Variants in IL1RAPL2 observed in about 807,000 individuals in gnomAD.
IL1RAPL2 encodes interleukin 1 receptor accessory protein like 2.
A neutral mutation model predicts 44.1 loss-of-function variants in IL1RAPL2; 3 were observed. The observed-to-expected ratio is 0.07, with a 90% CI of 0.03 to 0.18. The LOEUF (loss-of-function observed/expected upper bound fraction) is 0.18. Ranked by LOEUF, IL1RAPL2 falls within the 10% of genes least tolerant of loss-of-function variation. The pLI is 1.00. For synonymous variants in IL1RAPL2, 181 were observed against 178.8 expected, an observed-to-expected ratio of 1.01 and a Z score of -0.10; for missense variants, 391 against 496.4, an observed-to-expected ratio of 0.79 and a Z score of 2.02.
rs759287458 is a variant in IL1RAPL2, at chrX:105,495,011, G to GA, written c.772+10632dup. Among the ~76,000 whole-genome samples, 19 of 111,350 alleles carry GA rather than the reference G, an allele frequency of 1.7e-4. No homozygotes were observed. In the East Asian group the frequency reaches 5.1e-3, roughly 30 times the overall value. On this transcript the variant is annotated intron_variant, in intron 6 of 10. Transcript: ENST00000372582. ...GGTGGTAAGCAAAGAAGTCACGTCA[G>GA]AAAAAAAACTGATCTTGGGTTTCTA... is the stretch of plus-strand genomic sequence containing the variant.
intron 2 of IL1RAPL2, among the ~76,000 whole-genome samples, chrX:105,178,306 A>C (rs1432549350): frequency 8.9e-6 from 1 of 111,995 alleles, no homozygotes; most frequent in African/African-American, 3.2e-5. Context: ...ACAGGATTTC[A>C]TTCCTTTTTA....
chrX:104,806,586 G>A (rs1013270847), intron 2 of IL1RAPL2, among the ~76,000 whole-genome samples: 11 of 112,745 alleles, frequency 9.8e-5, no homozygotes, highest in African/African-American at 3.2e-4. Flanking sequence ...TGAGAAAGCT[G>A]GAATGAAGAG....
At chrX:105,541,690 C>A (rs1439685579) in intron 6 of IL1RAPL2, among the ~76,000 whole-genome samples, 4 of 110,978 alleles carry the variant, frequency 3.6e-5, no homozygotes, top group Non-Finnish European at 7.5e-5. Flanking sequence ...CTGGTTCTAG[C>A]CCAAGTTACC....
intron 1 of IL1RAPL2, among the ~76,000 whole-genome samples, chrX:104,604,487 C>T (rs1928958830): frequency 9.1e-6 from 1 of 110,321 alleles, no homozygotes; most frequent in Non-Finnish European, 1.9e-5. Flanking sequence ...GGGCTAAGTG[C>T]TCCAGTTAAA....
intron 2 of IL1RAPL2, among the ~76,000 whole-genome samples, chrX:104,941,962 T>C (rs1925189849): frequency 8.9e-6 from 1 of 111,863 alleles, no homozygotes; most frequent in African/African-American, 3.2e-5. Flanking sequence ...AGGGAATCCT[T>C]TCCCCATTTC....
intron 2 of IL1RAPL2, among the ~76,000 whole-genome samples, chrX:104,846,967 A>C (rs1332765739): frequency 1.8e-5 from 2 of 111,905 alleles, no homozygotes; most frequent in African/African-American, 3.3e-5. Context: ...GCGTTTTTTC[A>C]CATGTCTGTT....
intron 3 of IL1RAPL2, chrX:105,219,182 C>T (rs2147624442): frequency 8.3e-7 from 1 of 1,208,782 alleles, no homozygotes; most frequent in African/African-American, 1.8e-5. Flanking sequence ...GTATCAAAGG[C>T]CTCCCAGTCG....
intron 3 of IL1RAPL2, among the ~76,000 whole-genome samples, chrX:105,227,715 C>T (rs2034030875): frequency 8.9e-6 from 1 of 112,033 alleles, no homozygotes; most frequent in Admixed American, 9.5e-5. Context: ...TCTTTTAATG[C>T]ATTAACATTG....
intron 3 of IL1RAPL2, among the ~76,000 whole-genome samples, chrX:105,222,299 T>C (rs966558807): frequency 8.9e-5 from 10 of 112,414 alleles, no homozygotes; most frequent in African/African-American, 3.2e-4. Context: ...AAAAAGACAA[T>C]ATTTCTTCTC....
chrX:105,210,163 C>G (rs1264941596), intron 3 of IL1RAPL2, among the ~76,000 whole-genome samples: 1 of 111,948 alleles, frequency 8.9e-6, no homozygotes, highest in Admixed American at 9.5e-5. Flanking sequence ...GTTCCCACCC[C>G]CTTACCACAC....
chrX:104,997,882 G>C (rs931357190), intron 2 of IL1RAPL2, among the ~76,000 whole-genome samples: 1 of 111,353 alleles, frequency 9.0e-6, no homozygotes, highest in African/African-American at 3.3e-5. Flanking sequence ...TGAGATACTT[G>C]CTAGATATCC....
At chrX:104,974,982 T>G (rs2147723134) in intron 2 of IL1RAPL2, among the ~76,000 whole-genome samples, 1 of 112,364 alleles carries the variant, frequency 8.9e-6, no homozygotes, top group Admixed American at 9.4e-5. Context: ...TGCGATGCTT[T>G]CTTGAGATGG....
chrX:105,277,689 A>G (rs17285500), intron 5 of IL1RAPL2, among the ~76,000 whole-genome samples: 1,851 of 111,221 alleles, frequency 0.017, 15 homozygotes, highest in Non-Finnish European at 0.024. Flanking sequence ...GGCATAACTA[A>G]TGGTGGGAAT....
intron 2 of IL1RAPL2, among the ~76,000 whole-genome samples, chrX:104,920,766 T>C (rs1463531345): frequency 9.2e-6 from 1 of 108,851 alleles, no homozygotes; most frequent in African/African-American, 3.4e-5. Context: ...TAAGACAGAG[T>C]CCATTTACAT....
intron 1 of IL1RAPL2, among the ~76,000 whole-genome samples, chrX:104,597,254 G>T (rs1404264119): frequency 9.3e-6 from 1 of 107,577 alleles, no homozygotes; most frequent in Non-Finnish European, 1.9e-5. Context: ...TGAGGCAGGA[G>T]AATTGCTTGA....
intron 5 of IL1RAPL2, among the ~76,000 whole-genome samples, chrX:105,345,075 C>G (rs1468871255): frequency 9.0e-6 from 1 of 111,396 alleles, no homozygotes; most frequent in African/African-American, 3.3e-5. Flanking sequence ...AAGGTACAAT[C>G]TATTAGTAAA....
At chrX:105,181,999 G>A (rs2033536060) in intron 2 of IL1RAPL2, among the ~76,000 whole-genome samples, 1 of 107,688 alleles carries the variant, frequency 9.3e-6, no homozygotes, top group Admixed American at 9.9e-5. Flanking sequence ...CCCGGGAGGT[G>A]GAGCTTGAAG....
intron 2 of IL1RAPL2, among the ~76,000 whole-genome samples, chrX:105,096,772 A>G (rs1293165948): frequency 2.7e-5 from 3 of 112,004 alleles, no homozygotes; most frequent in Non-Finnish European, 5.6e-5. Context: ...AATAGAGGTG[A>G]TAACTGCACA....
chrX:104,775,016 T>C (rs1327084146), intron 2 of IL1RAPL2, among the ~76,000 whole-genome samples: 1 of 112,249 alleles, frequency 8.9e-6, no homozygotes, highest in Non-Finnish European at 1.9e-5. Context: ...GCATTGCTAG[T>C]GAAATGACTT....
Sources: allele counts gnomAD v4.1 joint callset (sites outside exome capture counted in the v4.1 genomes callset), GRCh38; gene constraint gnomAD v4.1.1; transcripts MANE v1.5; gene names NCBI Gene and HGNC (gene_info 2026-07-23, HGNC 2026-07-21).